NELL1: variants seen among roughly 807,000 people sequenced by gnomAD.
The protein encoded by NELL1 is neural EGFL like 1.
A neutral mutation model predicts 107.4 loss-of-function variants in NELL1; 76 were observed. The ratio of observed to expected loss-of-function variants is 0.71; its 90% CI spans 0.59 to 0.86. The LOEUF (loss-of-function observed/expected upper bound fraction) is 0.86. Among genes scored for constraint, NELL1 ranks in the 40% least tolerant of loss-of-function variants. NELL1 has a pLI of 0.00. For synonymous variants in NELL1, 353 were observed against 341.2 expected, an observed-to-expected ratio of 1.03 and a Z score of -0.38; for missense variants, 1,024 against 1,005.5, an observed-to-expected ratio of 1.02 and a Z score of -0.25.
intron 14 of NELL1, among the ~76,000 whole-genome samples, chr11:21,245,439 T>A (rs1473130523): frequency 6.6e-6 from 1 of 152,174 alleles, no homozygotes; most frequent in Admixed American, 6.5e-5. Context: ...TTAGCTGTTG[T>A]GTCCTCAGTT....
intron 14 of NELL1, among the ~76,000 whole-genome samples, chr11:21,325,668 C>G (rs1182346350): frequency 6.6e-6 from 1 of 151,942 alleles, no homozygotes; most frequent in East Asian, 1.9e-4. Context: ...ACGTAAATCA[C>G]AAGTGTACTT....
In NELL1 at chr11:21,062,693, C is replaced by T. The variant is rs578091893; in HGVS notation, c.1301-50896C>T. On this transcript the variant is annotated intron_variant, in intron 12 of 19. Coordinates refer to ENST00000357134, the MANE Select transcript of NELL1 (RefSeq NM_006157.5). ...ACGGCAAGACTGCCCTCCTTTCATA[C>T]TAACTGACTATAAATCTGGGGATTC... 3.5e-4 allele frequency among the ~76,000 whole-genome samples: 53 copies of T among 152,216 alleles called. 2 individuals are homozygous for T. Among genetic ancestry groups the T allele is most frequent in the Non-Finnish European group, 7.1e-4 (48 of 68,036 alleles).
At chr11:20,915,717 A>ATATATATATATATATATTTTTTTTTTT in intron 5 of NELL1, among the ~76,000 whole-genome samples, 12 of 58,206 alleles carry the variant, frequency 2.1e-4, no homozygotes, top group African/African-American at 1.1e-3. Flanking sequence ...ATATATATAT[A>ATATATATATATATATATTTTTTTTTTT]TTTTTTTTTT....
At chr11:20,686,443 A>G (rs1327630482) in intron 2 of NELL1, among the ~76,000 whole-genome samples, 1 of 152,190 alleles carries the variant, frequency 6.6e-6, no homozygotes, top group African/African-American at 2.4e-5. Context: ...TAAATTTAAC[A>G]GAATTTAATT....
intron 14 of NELL1, among the ~76,000 whole-genome samples, chr11:21,232,851 C>T (rs1458945653): frequency 6.6e-6 from 1 of 152,126 alleles, no homozygotes; most frequent in Non-Finnish European, 1.5e-5. Context: ...TGGGGTTTCA[C>T]CACGTTGGCC....
intron 13 of NELL1, among the ~76,000 whole-genome samples, chr11:21,190,808 G>C (rs761137502): frequency 1.3e-5 from 2 of 151,894 alleles, no homozygotes; most frequent in African/African-American, 4.9e-5. Context: ...ATTCCCAGAA[G>C]CTGGAGAAAG....
chr11:21,146,303 A>G (rs1238540592), intron 13 of NELL1, among the ~76,000 whole-genome samples: 1 of 152,180 alleles, frequency 6.6e-6, no homozygotes, highest in Non-Finnish European at 1.5e-5. Context: ...ACAGAGGCAT[A>G]AGTGGGATTA....
At chr11:21,557,605 A>T (rs1856750356) in intron 16 of NELL1, among the ~76,000 whole-genome samples, 1 of 151,982 alleles carries the variant, frequency 6.6e-6, no homozygotes, top group South Asian at 2.1e-4. Flanking sequence ...GACAGAAAAT[A>T]AAAGTTTTTT....
chr11:20,914,827 T>C (rs57357840), intron 5 of NELL1, among the ~76,000 whole-genome samples: 15,005 of 152,018 alleles, frequency 0.099, 1,032 homozygotes, highest in African/African-American at 0.19. Flanking sequence ...CCAGGTAATC[T>C]GGTCCTAGAT....
rs533740026 is a variant in NELL1, at chr11:20,986,604, G to A, written c.1300+26044G>A. ...GAGTTTCTGATTCATTAGGTCTCAG[G>A]TAGGGCTTGATAATTTGGCATTTCT... On this transcript the variant is annotated intron_variant, in intron 12 of 19. Transcript: ENST00000357134. Among the ~76,000 whole-genome samples, 133 of 152,268 alleles carry A rather than the reference G, an allele frequency of 8.7e-4. 2 individuals are homozygous for A. The highest frequency in any genetic ancestry group is 3.1e-3 in the African/African-American group (127 of 41,566).
chr11:20,812,872 G>A (rs1200096830), intron 3 of NELL1, among the ~76,000 whole-genome samples: 3 of 150,800 alleles, frequency 2.0e-5, no homozygotes, highest in African/African-American at 7.3e-5. Flanking sequence ...GCCGGGCGAG[G>A]TGGCGGGCGC....
chr11:21,374,410 A>G lies in NELL1; in HGVS notation c.1645+3462A>G, dbSNP rs538498168. 2.6e-5 allele frequency among the ~76,000 whole-genome samples: 4 copies of G among 152,136 alleles called. No homozygotes were observed. The South Asian group carries it at 8.3e-4, about 31-fold the overall frequency. On this transcript the variant is annotated intron_variant, in intron 15 of 19. Transcript: ENST00000357134. ...TTTTTCATTTTGTGGGCCTCTCCAC[A>G]GGCTACGTGAGAGGCCTTATAACAT...
intron 15 of NELL1, among the ~76,000 whole-genome samples, chr11:21,474,600 G>A (rs1278232940): frequency 6.6e-6 from 1 of 152,064 alleles, no homozygotes; most frequent in Admixed American, 6.6e-5. Context: ...AAGCAGCTGA[G>A]GATTTGTACC....
At chr11:21,258,078 A>C (rs1430823674) in intron 14 of NELL1, among the ~76,000 whole-genome samples, 1 of 152,046 alleles carries the variant, frequency 6.6e-6, no homozygotes, top group Non-Finnish European at 1.5e-5. Flanking sequence ...AGAAGTTAAA[A>C]TCAGATGTTG....
chr11:20,715,375 A>G (rs567381832), intron 2 of NELL1, among the ~76,000 whole-genome samples: 17 of 151,578 alleles, frequency 1.1e-4, no homozygotes, highest in African/African-American at 4.1e-4. Context: ...CAGCCTTCCT[A>G]TACAGGTACT....
chr11:21,023,046 G>T (rs1852737318), intron 12 of NELL1, among the ~76,000 whole-genome samples: 1 of 152,044 alleles, frequency 6.6e-6, no homozygotes, highest in Non-Finnish European at 1.5e-5. Context: ...CTGCATCTGG[G>T]AAGAATACTC....
chr11:20,855,039 C>A (rs970578783), intron 4 of NELL1, among the ~76,000 whole-genome samples: 1 of 152,220 alleles, frequency 6.6e-6, no homozygotes, highest in South Asian at 2.1e-4. Context: ...ACTTAGCCCC[C>A]ACATTTCTAC....
intron 2 of NELL1, among the ~76,000 whole-genome samples, chr11:20,706,586 G>A (rs1452920443): frequency 6.6e-6 from 1 of 151,334 alleles, no homozygotes; most frequent in Non-Finnish European, 1.5e-5. Flanking sequence ...TGAGTTAGTG[G>A]GTGCAGCACA....
intron 16 of NELL1, among the ~76,000 whole-genome samples, chr11:21,552,042 A>C (rs1048650582): frequency 1.4e-5 from 2 of 147,174 alleles, no homozygotes; most frequent in African/African-American, 5.0e-5. Context: ...CAAGAACAAA[A>C]AACCAAACAC....
Sources: allele counts gnomAD v4.1 joint callset (sites outside exome capture counted in the v4.1 genomes callset), GRCh38; gene constraint gnomAD v4.1.1; transcripts MANE v1.5; gene names NCBI Gene and HGNC (gene_info 2026-07-23, HGNC 2026-07-21).